Variants in PRRC2B observed in about 807,000 individuals in gnomAD.
PRRC2B encodes proline rich coiled-coil 2B, also known as protein PRRC2B.
Under a neutral mutation model 242.3 loss-of-function variants are expected in PRRC2B, and 68 were observed. That is an observed-to-expected ratio of 0.28 (90% CI 0.23 to 0.34). The LOEUF is 0.34. Ranked by LOEUF, PRRC2B falls within the 10% of genes least tolerant of loss-of-function variation. PRRC2B has a pLI of 1.00. For synonymous variants in PRRC2B, 1,228 were observed against 1,173.6 expected (o/e 1.05, Z -0.95); for missense variants, 2,835 against 2,954.8 (o/e 0.96, Z 0.94).
At position 131,464,792 on chromosome 9, in the gene PRRC2B, A is replaced by G. The variant is rs746514079; in HGVS notation, c.1434A>G (p.Gln478=). ...QKSSMGSMFR[Q]QSIEDKEDKP... is the part of the protein sequence containing the mutation. ...CATCAATGGGCAGCATGTTCCGGCAACAGTCCATCGAGGACAAGGAGGACA... is the reference window on the plus strand; with the variant it reads ...CATCAATGGGCAGCATGTTCCGGCAGCAGTCCATCGAGGACAAGGAGGACA... Residue 478 remains glutamine (Q), a synonymous_variant, in exon 12 of 32, where the codon CAA becomes CAG. Coordinates refer to ENST00000683519, the MANE Select transcript of PRRC2B (RefSeq NM_013318.4). 3 of 1,605,150 alleles carry G rather than the reference A, an allele frequency of 1.9e-6. No individual in the cohort carries two copies. The highest frequency in any genetic ancestry group is 1.7e-5 in the Admixed American group (1 of 59,466).
At chr9:131,456,486 C>T (rs1382824924) in intron 10 of PRRC2B, among the ~76,000 whole-genome samples, 1 of 151,972 alleles carries the variant, frequency 6.6e-6, no homozygotes, top group Non-Finnish European at 1.5e-5. Flanking sequence ...AAAAAACTAG[C>T]TGGGCATGGT....
intron 1 of PRRC2B, among the ~76,000 whole-genome samples, chr9:131,428,965 T>G (rs976198112): frequency 5.3e-5 from 8 of 151,620 alleles, no homozygotes; most frequent in South Asian, 4.2e-4. Flanking sequence ...TTTTGTTGTG[T>G]TTTTTTTTAA....
At chr9:131,400,347 C>T (rs1042839482) in intron 1 of PRRC2B, among the ~76,000 whole-genome samples, 1 of 150,490 alleles carries the variant, frequency 6.6e-6, no homozygotes, top group South Asian at 2.1e-4. Context: ...GAGATGGCAT[C>T]TTGTTCTGTT....
chr9:131,447,235 G>A (rs1838832574), intron 8 of PRRC2B, 29 bp downstream of exon 8: 2 of 1,613,248 alleles, frequency 1.2e-6, no homozygotes, highest in Non-Finnish European at 1.7e-6. Flanking sequence ...AGTCACGTGT[G>A]TAGAGATGAG....
chr9:131,446,777 T>G lies in PRRC2B; in HGVS notation c.855+135T>G, dbSNP rs151158800. The stretch of plus-strand genomic sequence containing the variant: ...CTACTTCTGAGGCTTCCACTCGTTT[T>G]GCATTTTCTCTCCCTGCTTTTTAAA... On this transcript the variant is annotated intron_variant, in intron 7 of 31. Coordinates refer to ENST00000683519, the MANE Select transcript of PRRC2B (RefSeq NM_013318.4). The surrounding 1 kb of genome is among the most constrained non-coding windows in gnomAD (Gnocchi z 4.1). 1.9e-6 allele frequency: 2 copies of G among 1,054,734 alleles called. No individual in the cohort carries two copies. Among genetic ancestry groups the G allele is most frequent in the East Asian group, 2.5e-5 (1 of 39,944 alleles). 65.3% of individuals were successfully genotyped at this position (1,054,734 alleles called of 1,614,324 possible).
rs779705472 is a variant in PRRC2B, at chr9:131,487,883, G to A, written c.6012G>A (p.Leu2004=). The A allele has an allele frequency of 6.2e-7, 1 of 1,612,220 alleles. No individual in the cohort carries two copies. Among genetic ancestry groups the A allele is most frequent in the Non-Finnish European group, 8.5e-7 (1 of 1,178,556 alleles). Residue 2004 remains leucine (L), a synonymous_variant, in exon 28 of 32, where the codon CTG becomes CTA. Coordinates refer to ENST00000683519, the MANE Select transcript of PRRC2B (RefSeq NM_013318.4). This position sits in a 1 kb window ranked among gnomAD's most constrained non-coding sequence, Gnocchi z 5.3. The part of the protein sequence containing the change: ...FRSQVYMHPS[L]SPPSTMILSG... Reference sequence around the variant, plus strand: ...CTCAGGTGTACATGCACCCCAGCCTGTCACCGCCCAGCACCATGATCCTCT... The same window carrying A: ...CTCAGGTGTACATGCACCCCAGCCTATCACCGCCCAGCACCATGATCCTCT...
At chr9:131,377,191 T>C (rs1358486526) in intron 1 of PRRC2B, among the ~76,000 whole-genome samples, 5 of 152,150 alleles carry the variant, frequency 3.3e-5, no homozygotes, top group Non-Finnish European at 7.3e-5. Flanking sequence ...CGGGGCTCAC[T>C]GCAACCTCCG....
intron 13 of PRRC2B, among the ~76,000 whole-genome samples, chr9:131,468,869 A>T (rs187151534): frequency 6.6e-6 from 1 of 152,164 alleles, no homozygotes; most frequent in South Asian, 2.1e-4. Flanking sequence ...ACCGCCTTTA[A>T]TGTGATTTTA....
intron 1 of PRRC2B, among the ~76,000 whole-genome samples, chr9:131,426,592 G>A (rs1837983120): frequency 6.6e-6 from 1 of 152,114 alleles, no homozygotes; most frequent in Admixed American, 6.6e-5. Context: ...CAAGGAAGCA[G>A]CCAGGTCATG....
rs570110283 is a variant in PRRC2B at position 131,475,236 on chromosome 9, G to T, written c.3107G>T (p.Arg1036Leu). Residue 1036 changes from arginine to leucine, a missense_variant, in exon 16 of 32, where the codon CGA (arginine) becomes CTA (leucine). Coordinates refer to ENST00000683519, the MANE Select transcript of PRRC2B (RefSeq NM_013318.4). Reference sequence around the variant, plus strand: ...AAGGCCTGGGAAGCCAGACCCCCACGAGAGTCCAGCGATGTTCCCCCCATG... The same window carrying T: ...AAGGCCTGGGAAGCCAGACCCCCACTAGAGTCCAGCGATGTTCCCCCCATG... ...PDKAWEARPP[R>L]ESSDVPPMKR... The T allele has an allele frequency of 6.2e-7, 1 of 1,613,590 alleles. No homozygotes were observed. Among genetic ancestry groups the T allele is most frequent in the African/African-American group, 1.3e-5 (1 of 75,054 alleles).
chr9:131,467,588 G>A lies in PRRC2B; in HGVS notation c.1746G>A (p.Glu582=). The A allele has an allele frequency of 2.5e-6, 4 of 1,611,218 alleles. No homozygotes were observed. The highest frequency in any genetic ancestry group is 3.4e-6 in the Non-Finnish European group (4 of 1,178,634). The change falls in exon 13 of 32, where the codon GAG becomes GAA. Residue 582 remains glutamate, a synonymous_variant. Transcript: ENST00000683519. ...GCTCCCCAGAATTCCCTGCCCAAGA[G>A]ACCCCCACCACATTCCCAGAAGAGG... ...HKGSPEFPAQ[E]TPTTFPEEAP...
intron 16 of PRRC2B, 113 bp downstream of exon 16, chr9:131,476,648 C>A: frequency 2.1e-6 from 2 of 947,714 alleles, no homozygotes; most frequent in Non-Finnish European, 1.5e-6. Flanking sequence ...GGCCTGCCCC[C>A]AGGCCGTCTG....
At chr9:131,419,391 A>T (rs2131306871) in intron 1 of PRRC2B, among the ~76,000 whole-genome samples, 1 of 152,330 alleles carries the variant, frequency 6.6e-6, no homozygotes, top group Admixed American at 6.5e-5. Context: ...AAACTGTGAC[A>T]CACCAACGTG....
At position 131,482,831 on chromosome 9, in the gene PRRC2B, C is replaced by A. The variant is rs768219581; in HGVS notation, c.5297C>A (p.Pro1766Gln). 4.4e-5 allele frequency: 70 copies of A among 1,608,340 alleles called. No homozygotes were observed. The highest frequency in any genetic ancestry group is 5.7e-5 in the Non-Finnish European group (67 of 1,177,442). The stretch of plus-strand genomic sequence containing the variant: ...GAGCGGCTGCAAGGGGCTGTCGTCC[C>A]GCCTGTTAACGGGGTGGAGATTCAC... ...GAERLQGAVV[P>Q]PVNGVEIHVD... The change falls in exon 22 of 32, where the codon CCG (proline) becomes CAG (glutamine). Residue 1766 changes from proline to glutamine, a missense_variant. Pro to Gln is a moderately conservative substitution (Grantham distance 76, BLOSUM62 -1). Coordinates refer to ENST00000683519, the MANE Select transcript of PRRC2B (RefSeq NM_013318.4). The surrounding 1 kb of genome is among the most constrained non-coding windows in gnomAD (Gnocchi z 5.2).
chr9:131,487,910 T>C lies in PRRC2B; in HGVS notation c.6039T>C (p.Ser2013=), dbSNP rs1944072746. 1 of 1,613,762 alleles carries C rather than the reference T, an allele frequency of 6.2e-7. No individual in the cohort carries two copies. The highest frequency in any genetic ancestry group is 1.3e-5 in the African/African-American group (1 of 74,926). Residue 2013 remains serine, a synonymous_variant, in exon 28 of 32, where the codon TCT becomes TCC. Transcript: ENST00000683519. This position sits in a 1 kb window ranked among gnomAD's most constrained non-coding sequence, Gnocchi z 5.3. The part of the protein sequence containing the change: ...SLSPPSTMIL[S]GGTALKPPYS... ...CACCGCCCAGCACCATGATCCTCTC[T>C]GGGGGCACAGCCTTGAAGCCTCCAT...
chr9:131,465,152 T>C lies in PRRC2B; in HGVS notation c.1720+74T>C. On this transcript the variant is annotated intron_variant, in intron 12 of 31. Coordinates refer to ENST00000683519, the MANE Select transcript of PRRC2B (RefSeq NM_013318.4). ...CCTCGTCTTGTTACTTGCAACTGCC[T>C]TCCTTCTTAGCTAGCAGAACGTATG... The C allele has an allele frequency of 5.0e-6, 7 of 1,408,180 alleles. 1 individual carries two copies. The South Asian group carries it at 9.8e-5, about 20-fold the overall frequency. 87.2% of individuals were successfully genotyped at this position (1,408,180 alleles called of 1,614,324 possible).
At chr9:131,464,660 G>A in intron 11 of PRRC2B, 103 bp from the exon 12 acceptor site, 1 of 1,043,102 alleles carries the variant, frequency 9.6e-7, no homozygotes, top group Non-Finnish European at 1.4e-6. Flanking sequence ...CCTCTTGAAG[G>A]TGCTTGAGGA....
intron 13 of PRRC2B, among the ~76,000 whole-genome samples, chr9:131,469,515 A>G (rs995099854): frequency 6.6e-6 from 1 of 150,946 alleles, no homozygotes; most frequent in Admixed American, 6.6e-5. Context: ...TTGATGAGCT[A>G]TATTTATTGA....
At position 131,500,186 on chromosome 9, in the gene PRRC2B, T is replaced by A. The variant is rs562536425; in HGVS notation, c.*4312T>A. On this transcript the variant is annotated 3_prime_UTR_variant, in exon 32 of 32. Transcript: ENST00000683519. Reference sequence around the variant, plus strand: ...TCTCCTTATTTAAATAAAAAAAGTTTAAAAAGATAAAGCTGAACGTGCTTT... The same window carrying A: ...TCTCCTTATTTAAATAAAAAAAGTTAAAAAAGATAAAGCTGAACGTGCTTT... 13 of 152,324 alleles carry A rather than the reference T, an allele frequency of 8.5e-5. No homozygotes were observed. In the East Asian group the frequency reaches 2.5e-3, roughly 29 times the overall value. The allele number at this position is 152,324 out of a possible 1,614,324, so 9.4% of individuals were successfully genotyped here. A position where few individuals can be genotyped will look rare whatever the true frequency, so the allele number is the denominator to read the frequency against.
Sources: allele counts gnomAD v4.1 joint callset (sites outside exome capture counted in the v4.1 genomes callset), GRCh38; gene constraint gnomAD v4.1.1; non-coding constraint Gnocchi (gnomAD v3.1); transcripts MANE v1.5; gene names NCBI Gene and HGNC (gene_info 2026-07-23, HGNC 2026-07-21).